EVL: variants seen among roughly 807,000 people sequenced by gnomAD.
EVL encodes ena/VASP-like protein.
Under a neutral mutation model 59.6 loss-of-function variants are expected in EVL, and 21 were observed. That is an observed-to-expected ratio of 0.35 (90% CI 0.25 to 0.51). The LOEUF (loss-of-function observed/expected upper bound fraction) is 0.51, where lower values mean the gene tolerates loss of function less well. EVL is among the 20% of genes least tolerant of loss of function. EVL has a pLI of 0.97. For missense variants in EVL, 462 were observed against 546.6 expected (o/e 0.85, Z 1.54); for synonymous variants, 198 against 203.5 (o/e 0.97, Z 0.23).
chr14:99,984,775 G>A (rs1007223312), intron 1 of EVL, among the ~76,000 whole-genome samples: 2 of 151,868 alleles, frequency 1.3e-5, no homozygotes, highest in South Asian at 2.1e-4. Context: ...CACCACACCC[G>A]GCTAATTTTT....
intron 1 of EVL, among the ~76,000 whole-genome samples, chr14:100,034,319 TGAG>T (rs2061357460): frequency 6.6e-6 from 1 of 151,924 alleles, no homozygotes; most frequent in Non-Finnish European, 1.5e-5. Context: ...ATGAAGGGTC[TGAG>T]AAGTCTTATG....
chr14:100,126,874 C>T, intron 5 of EVL, 103 bp downstream of exon 5: 1 of 1,093,662 alleles, frequency 9.1e-7, no homozygotes, highest in East Asian at 2.4e-5. Flanking sequence ...CTGTGAGCAG[C>T]TATGGGGAGC....
rs947185702 is a variant in EVL, at chr14:99,987,918, T to C, written c.5+15861T>C. Among the ~76,000 whole-genome samples the C allele has an allele frequency of 2.1e-3, 298 of 144,520 alleles. 1 individual carries two copies. The highest frequency in any genetic ancestry group is 5.2e-3 in the Admixed American group (76 of 14,640). 94.8% of individuals were successfully genotyped at this position (144,520 alleles called of 152,430 possible). On this transcript the variant is annotated intron_variant, in intron 1 of 13. Transcript: ENST00000402714. ...AAAGACAACCCAATTTTTTTTTTTT[T>C]TTTTTTTTTTTTTGAGACGGAGTTT...
At chr14:100,133,098 C>T (rs893113271) in intron 8 of EVL, among the ~76,000 whole-genome samples, 2 of 152,244 alleles carry the variant, frequency 1.3e-5, no homozygotes, top group African/African-American at 4.8e-5. Flanking sequence ...GCCAGGGTCT[C>T]GGCGGGACTG....
intron 1 of EVL, among the ~76,000 whole-genome samples, chr14:99,992,283 C>T (rs1308603489): frequency 6.6e-6 from 1 of 152,088 alleles, no homozygotes; most frequent in Non-Finnish European, 1.5e-5. Context: ...GTCACTTGCT[C>T]ATTTATTAAA....
At chr14:100,061,093 A>G (rs575287614), upstream of EVL, among the ~76,000 whole-genome samples, 29 of 152,146 alleles carry the variant, frequency 1.9e-4, no homozygotes, top group African/African-American at 6.7e-4. Context: ...CCTGTTGTAC[A>G]GAAAATCCTA....
chr14:100,123,554 G>A lies in EVL; in HGVS notation c.374G>A (p.Arg125His), dbSNP rs770493838. The A allele has an allele frequency of 2.3e-5, 37 of 1,614,008 alleles. No individual in the cohort carries two copies. Among genetic ancestry groups the A allele is most frequent in the Admixed American group, 5.0e-5 (3 of 60,006 alleles). ...NSQEGGPSSQ[R>H]QVQNGPSPDE... Reference sequence around the variant, plus strand: ...CTGCCCACAGGCCCCTCCAGCCAGCGTCAGGTGCAGAATGGCCCCTCTCCT... The same window carrying A: ...CTGCCCACAGGCCCCTCCAGCCAGCATCAGGTGCAGAATGGCCCCTCTCCT... Residue 125 changes from arginine (R) to histidine (H), a missense_variant, in exon 4 of 14, where the codon CGT becomes CAT. Physicochemically the swap from Arg to His is conservative, Grantham distance 29. Coordinates refer to ENST00000392920, the MANE Select transcript of EVL (RefSeq NM_016337.3).
chr14:99,985,631 G>A lies in EVL; in HGVS notation c.5+13574G>A, dbSNP rs1465048963. 2.6e-5 allele frequency among the ~76,000 whole-genome samples: 4 copies of A among 152,240 alleles called. No homozygotes were observed. The South Asian group carries it at 6.2e-4, about 24-fold the overall frequency. ...TAAAATACAAGATTAGCTGGGTGTG[G>A]TGGTGCATGCCTGTAATCCCAGCTA... is the stretch of plus-strand genomic sequence containing the variant. On this transcript the variant is annotated intron_variant, in intron 1 of 13. Coordinates refer to the EVL transcript ENST00000402714.
intron 1 of EVL, among the ~76,000 whole-genome samples, chr14:100,075,845 A>G (rs1030145089): frequency 6.6e-6 from 1 of 152,260 alleles, no homozygotes; most frequent in Non-Finnish European, 1.5e-5. Context: ...GAAGTAGACC[A>G]TGCTATTTTT....
chr14:100,043,291 ATATG>A lies in EVL; in HGVS notation c.6-41394_6-41391del, dbSNP rs199954518. Among the ~76,000 whole-genome samples, 1,121 of 151,726 alleles carry A rather than the reference ATATG, an allele frequency of 7.4e-3. 16 individuals are homozygous for A. The highest frequency in any genetic ancestry group is 0.026 in the African/African-American group (1,075 of 41,266). On this transcript the variant is annotated intron_variant, in intron 1 of 13. Transcript: ENST00000402714. ...TATATATATATGTGTGTGTGTATAT[ATATG>A]TGTGTGTGTGTGTGTATATGTATAT... is the stretch of plus-strand genomic sequence containing the variant.
intron 1 of EVL, among the ~76,000 whole-genome samples, chr14:99,983,390 G>A (rs1310007020): frequency 6.6e-6 from 1 of 152,142 alleles, no homozygotes; most frequent in African/African-American, 2.4e-5. Flanking sequence ...TGACAGAAAG[G>A]GAAACATGAG....
At chr14:99,993,685 C>CTT (rs532512303) in intron 1 of EVL, among the ~76,000 whole-genome samples, 5,624 of 78,102 alleles carry the variant, frequency 0.072, 820 homozygotes, top group African/African-American at 0.28. Flanking sequence ...TTCTTTCTTT[C>CTT]TTTTTTTTTT....
At chr14:99,996,524 A>G (rs1218592895) in intron 1 of EVL, among the ~76,000 whole-genome samples, 1 of 152,246 alleles carries the variant, frequency 6.6e-6, no homozygotes, top group Admixed American at 6.5e-5. Flanking sequence ...TAACATAAAT[A>G]GTAAAAATAA....
At chr14:99,981,586 T>TA (rs1253021650) in intron 1 of EVL, among the ~76,000 whole-genome samples, 2 of 152,174 alleles carry the variant, frequency 1.3e-5, no homozygotes, top group African/African-American at 4.8e-5. Context: ...ACCCTGGAGA[T>TA]ACAGTGGGTG....
chr14:100,122,099 C>T (rs903380812), intron 3 of EVL, among the ~76,000 whole-genome samples: 3 of 152,208 alleles, frequency 2.0e-5, no homozygotes, highest in African/African-American at 2.4e-5. Context: ...GGAGCTGAAA[C>T]GCCAGGAATC....
At position 100,050,989 on chromosome 14, in the gene EVL, C is replaced by T. The variant is rs1010126328; in HGVS notation, c.6-33698C>T. ...TCTCGAACTCCTGCCTCAAGTGATC[C>T]ACCCGCCTCAGCCTCCCAAAGTTCT... On this transcript the variant is annotated intron_variant, in intron 1 of 13. Coordinates refer to the EVL transcript ENST00000402714. Among the ~76,000 whole-genome samples the T allele has an allele frequency of 7.1e-4, 108 of 151,820 alleles. 13 individuals carry two copies.
At chr14:100,142,505 C>T (rs1303776904) in intron 13 of EVL, among the ~76,000 whole-genome samples, 2 of 152,244 alleles carry the variant, frequency 1.3e-5, no homozygotes, top group Non-Finnish European at 2.9e-5. Context: ...CGTGCCTCCC[C>T]AACCAGGGTG....
At chr14:100,123,625 C>T in intron 4 of EVL, 23 bp downstream of exon 4, 1 of 1,613,408 alleles carries the variant, frequency 6.2e-7, no homozygotes, top group Non-Finnish European at 8.5e-7. Flanking sequence ...CCGCAGGGGC[C>T]AGGCTGGTCA....
chr14:100,028,840 G>A (rs1479636218), intron 1 of EVL, among the ~76,000 whole-genome samples: 2 of 152,138 alleles, frequency 1.3e-5, no homozygotes, highest in East Asian at 1.9e-4. Flanking sequence ...TATTAAATAA[G>A]CGTGCAGTTG....
Sources: allele counts gnomAD v4.1 joint callset (sites outside exome capture counted in the v4.1 genomes callset), GRCh38; gene constraint gnomAD v4.1.1; transcripts MANE v1.5; gene names NCBI Gene and HGNC (gene_info 2026-07-23, HGNC 2026-07-21).